Variants in ACOXL observed in about 807,000 individuals in gnomAD.
ACOXL encodes the protein acyl-CoA oxidase like, also known as acyl-coenzyme A oxidase-like protein.
ACOXL carries 70 observed loss-of-function variants against 71.9 expected under a neutral mutation model. That is an observed-to-expected ratio of 0.97 (90% CI 0.80 to 1.19). The LOEUF (loss-of-function observed/expected upper bound fraction) is 1.19, where lower values mean the gene tolerates loss of function less well. Among genes scored for constraint, ACOXL ranks in the 50% most tolerant of loss-of-function variants. The pLI is 0.00. For synonymous variants in ACOXL, 253 were observed against 281.6 expected (o/e 0.90, Z 1.02); for missense variants, 703 against 736.3 (o/e 0.95, Z 0.52).
intron 10 of ACOXL, among the ~76,000 whole-genome samples, chr2:110,877,661 A>G (rs930179407): frequency 1.3e-5 from 2 of 152,148 alleles, no homozygotes; most frequent in African/African-American, 4.8e-5. Context: ...TCACCATGTT[A>G]TCTCAAAGTT....
At chr2:110,914,256 C>T (rs2059756840) in intron 11 of ACOXL, among the ~76,000 whole-genome samples, 1 of 152,158 alleles carries the variant, frequency 6.6e-6, no homozygotes, top group South Asian at 2.1e-4. Flanking sequence ...AATTGTCTTG[C>T]TATTCTAGAG....
intron 15 of ACOXL, among the ~76,000 whole-genome samples, chr2:111,033,796 G>A (rs2065384537): frequency 7.5e-6 from 1 of 133,906 alleles, no homozygotes; most frequent in African/African-American, 2.6e-5. Context: ...TCACTCTCAG[G>A]GGTGGTGTGG....
intron 10 of ACOXL, among the ~76,000 whole-genome samples, chr2:110,893,176 C>T (rs1331781593): frequency 1.3e-5 from 2 of 152,028 alleles, no homozygotes; most frequent in Non-Finnish European, 2.9e-5. Flanking sequence ...AAAAGCAAAG[C>T]TAAAACTATG....
intron 1 of ACOXL, among the ~76,000 whole-genome samples, chr2:110,737,738 A>T (rs1677043535): frequency 6.6e-6 from 1 of 152,170 alleles, no homozygotes. Context: ...TCATGGACAC[A>T]TTCATTCTGG....
At chr2:111,081,301 C>T (rs1034719244) in intron 16 of ACOXL, among the ~76,000 whole-genome samples, 22 of 152,284 alleles carry the variant, frequency 1.4e-4, no homozygotes, top group African/African-American at 4.6e-4. Flanking sequence ...TCTCCTTAAG[C>T]GTATAAGCAA....
At chr2:110,855,383 C>T (rs766171790) in intron 10 of ACOXL, among the ~76,000 whole-genome samples, 5 of 152,110 alleles carry the variant, frequency 3.3e-5, no homozygotes, top group Non-Finnish European at 5.9e-5. Context: ...GGAGTTTGTC[C>T]GAGGCCACAT....
At chr2:111,047,407 A>T (rs570789337) in intron 15 of ACOXL, among the ~76,000 whole-genome samples, 1 of 152,338 alleles carries the variant, frequency 6.6e-6, no homozygotes, top group East Asian at 1.9e-4. Flanking sequence ...GTTACAGCAT[A>T]AACCTTTACC....
intron 11 of ACOXL, among the ~76,000 whole-genome samples, chr2:110,930,104 A>G (rs2060424963): frequency 6.6e-6 from 1 of 152,218 alleles, no homozygotes; most frequent in Non-Finnish European, 1.5e-5. Flanking sequence ...AGCTTGCACC[A>G]TGCACCTGGA....
intron 14 of ACOXL, among the ~76,000 whole-genome samples, chr2:111,028,433 G>A (rs890969470): frequency 2.6e-5 from 4 of 151,960 alleles, no homozygotes; most frequent in African/African-American, 9.6e-5. Context: ...TGGGTTTGCA[G>A]GTTTAAGCCA....
chr2:110,916,367 G>A (rs181722908), intron 11 of ACOXL, among the ~76,000 whole-genome samples: 7 of 151,884 alleles, frequency 4.6e-5, no homozygotes, highest in Non-Finnish European at 1.0e-4. Flanking sequence ...ACCAATGAGA[G>A]CAAAGACACA....
At chr2:110,736,818 C>A (rs77131833) in intron 1 of ACOXL, among the ~76,000 whole-genome samples, 1 of 152,154 alleles carries the variant, frequency 6.6e-6, no homozygotes, top group Non-Finnish European at 1.5e-5. Context: ...GACGGGGTTT[C>A]ATCACGTTAG....
intron 11 of ACOXL, among the ~76,000 whole-genome samples, chr2:110,914,359 G>A (rs182426299): frequency 2.0e-5 from 3 of 152,272 alleles, no homozygotes; most frequent in Admixed American, 6.5e-5. Flanking sequence ...TGAAGATGAT[G>A]TATCTCTTTG....
At chr2:110,771,865 C>T (rs1442338488) in intron 2 of ACOXL, among the ~76,000 whole-genome samples, 1 of 152,198 alleles carries the variant, frequency 6.6e-6, no homozygotes, top group Non-Finnish European at 1.5e-5. Flanking sequence ...ATGCAGAGAC[C>T]TTCTGTCTCT....
At chr2:110,971,425 A>G (rs2062179847) in intron 12 of ACOXL, among the ~76,000 whole-genome samples, 2 of 152,258 alleles carry the variant, frequency 1.3e-5, no homozygotes, top group South Asian at 2.1e-4. Flanking sequence ...AAGCCTGCAT[A>G]GGATCTCTCT....
chr2:111,074,874 C>T (rs554304496), intron 16 of ACOXL, among the ~76,000 whole-genome samples: 82 of 152,258 alleles, frequency 5.4e-4, no homozygotes, highest in African/African-American at 1.7e-3. Context: ...GGACTACAAG[C>T]GTGACCCATC....
intron 10 of ACOXL, among the ~76,000 whole-genome samples, chr2:110,845,124 A>T (rs1691653226): frequency 6.6e-6 from 1 of 152,084 alleles, no homozygotes; most frequent in South Asian, 2.1e-4. Flanking sequence ...ACAGAAATTT[A>T]TTTTCTCACA....
chr2:111,057,538 G>T (rs2149865200), intron 16 of ACOXL, among the ~76,000 whole-genome samples: 1 of 152,298 alleles, frequency 6.6e-6, no homozygotes, highest in East Asian at 1.9e-4. Flanking sequence ...TATTCTGAAA[G>T]CATGGTGTCC....
intron 17 of ACOXL, among the ~76,000 whole-genome samples, chr2:111,104,193 C>A (rs998060803): frequency 2.0e-5 from 3 of 152,180 alleles, no homozygotes; most frequent in African/African-American, 7.2e-5. Context: ...GTATTCCACA[C>A]TACACATGGA....
At chr2:111,089,946 G>A (rs2068432013) in intron 16 of ACOXL, among the ~76,000 whole-genome samples, 2 of 152,152 alleles carry the variant, frequency 1.3e-5, no homozygotes, top group South Asian at 4.1e-4. Context: ...TTTCAAGGTG[G>A]CCCAAGAGTT....
Sources: gnomAD v4.1 joint callset for allele counts (sites outside exome capture counted in the v4.1 genomes callset) on GRCh38, gnomAD v4.1.1 for gene constraint, MANE v1.5 for transcripts, NCBI Gene and HGNC (gene_info 2026-07-23, HGNC 2026-07-21) for gene names.